The following EML1 variants were observed in gnomAD, a reference collection of about 807,000 sequenced individuals.
The protein encoded by EML1 is echinoderm microtubule-associated protein-like 1.
EML1 carries 27 observed loss-of-function variants against 110.4 expected under a neutral mutation model. That is an observed-to-expected ratio of 0.24 (90% CI 0.18 to 0.34). The LOEUF (loss-of-function observed/expected upper bound fraction) is 0.34, where lower values mean the gene tolerates loss of function less well. EML1 is among the 10% of genes least tolerant of loss of function. The pLI, the probability that EML1 is intolerant of heterozygous loss-of-function variation, is 1.00. For synonymous variants in EML1, 344 were observed against 385.8 expected, an observed-to-expected ratio of 0.89 and a Z score of 1.27; for missense variants, 741 against 1,030.9, an observed-to-expected ratio of 0.72 and a Z score of 3.85.
intron 9 of EML1, among the ~76,000 whole-genome samples, chr14:99,904,634 A>G (rs1595460395): frequency 6.6e-6 from 1 of 152,364 alleles, no homozygotes; most frequent in Non-Finnish European, 1.5e-5. Context: ...GACAGAAAAT[A>G]AAGGACTCAT....
intron 2 of EML1, among the ~76,000 whole-genome samples, chr14:99,863,459 G>T (rs540537786): frequency 3.3e-5 from 5 of 152,272 alleles, no homozygotes; most frequent in African/African-American, 7.2e-5. Flanking sequence ...CCCCATGATG[G>T]TATCTTACAG....
At chr14:99,881,191 A>AT (rs2059378980) in intron 4 of EML1, among the ~76,000 whole-genome samples, 1 of 152,204 alleles carries the variant, frequency 6.6e-6, no homozygotes, top group African/African-American at 2.4e-5. Context: ...GTTAGGGTGC[A>AT]TGTGAGTGAG....
At chr14:99,831,832 T>G (rs1359380254) in intron 1 of EML1, among the ~76,000 whole-genome samples, 1 of 151,788 alleles carries the variant, frequency 6.6e-6, no homozygotes, top group Non-Finnish European at 1.5e-5. Context: ...CTTTTCATTT[T>G]TTACTGAATG....
chr14:99,869,075 G>A (rs1307557610), intron 3 of EML1, among the ~76,000 whole-genome samples: 1 of 152,134 alleles, frequency 6.6e-6, no homozygotes, highest in African/African-American at 2.4e-5. Context: ...TTAAGAGTGA[G>A]TTGTTTAATT....
chr14:99,939,396 G>A lies in EML1; in HGVS notation c.2322+69G>A. ...TGCACGTACACCCGACCTGTTTGGA[G>A]ACTAAGTGGAAATGGGCTGTGAGCG... On this transcript the variant is annotated intron_variant, in intron 21 of 21. Transcript: ENST00000262233. This position sits in a 1 kb window ranked among gnomAD's most constrained non-coding sequence, Gnocchi z 4.2. 1 of 1,588,740 alleles carries A rather than the reference G, an allele frequency of 6.3e-7. No individual in the cohort carries two copies.
intron 1 of EML1, among the ~76,000 whole-genome samples, chr14:99,746,814 T>G (rs1301078152): frequency 6.6e-6 from 1 of 152,108 alleles, no homozygotes; most frequent in African/African-American, 2.4e-5. Context: ...TTGTCCTGTG[T>G]CCCCACCCCT....
rs1434116352 is a variant in EML1 at position 99,941,193 on chromosome 14, A to G, written c.*1081A>G. On this transcript the variant is annotated 3_prime_UTR_variant, in exon 22 of 22. Coordinates refer to ENST00000262233, the MANE Select transcript of EML1 (RefSeq NM_004434.3). ...AAACGGAGGTGGCAGAAATTTGTCA[A>G]GAAGGCCTTATCCATTTCGATTGTG... 1.3e-5 allele frequency: 2 copies of G among 152,222 alleles called. No homozygotes were observed. The highest frequency in any genetic ancestry group is 1.5e-5 in the Non-Finnish European group (1 of 68,040). 9.4% of individuals were successfully genotyped at this position (152,222 alleles called of 1,614,324 possible).
intron 1 of EML1, among the ~76,000 whole-genome samples, chr14:99,774,454 C>A (rs1405620994): frequency 6.6e-6 from 1 of 152,204 alleles, no homozygotes; most frequent in Non-Finnish European, 1.5e-5. Flanking sequence ...GTTGCCCTAT[C>A]CTCCATGCCT....
At chr14:99,748,774 C>T (rs2057142007) in intron 1 of EML1, among the ~76,000 whole-genome samples, 1 of 152,188 alleles carries the variant, frequency 6.6e-6, no homozygotes, top group Admixed American at 6.5e-5. Flanking sequence ...AGAACACTTC[C>T]GTCGTCCACG....
chr14:99,893,658 G>T (rs1004226188), intron 5 of EML1, among the ~76,000 whole-genome samples: 2 of 152,078 alleles, frequency 1.3e-5, no homozygotes, highest in Non-Finnish European at 2.9e-5. Flanking sequence ...ACTGTTCCTC[G>T]CCAATTTCCT....
chr14:99,921,543 A>G (rs910631853), intron 17 of EML1, among the ~76,000 whole-genome samples: 8 of 152,136 alleles, frequency 5.3e-5, no homozygotes, highest in African/African-American at 1.7e-4. Flanking sequence ...AACATAGACA[A>G]AATTAAACAG....
chr14:99,776,089 T>C lies in EML1; in HGVS notation c.-27+2076T>C, dbSNP rs183020318. Among the ~76,000 whole-genome samples the C allele has an allele frequency of 9.2e-5, 14 of 152,330 alleles. No homozygotes were observed. The East Asian group carries it at 1.2e-3, about 13-fold the overall frequency. ...ATGTCCTACAAGCAAAAATGAAATC[T>C]TAGCAGGTAACACAGCCATTCCTAG... On this transcript the variant is annotated intron_variant, in intron 1 of 22. Coordinates refer to the EML1 transcript ENST00000327921.
intron 1 of EML1, among the ~76,000 whole-genome samples, chr14:99,837,259 T>C (rs746938014): frequency 4.6e-5 from 7 of 152,174 alleles, no homozygotes; most frequent in Admixed American, 1.3e-4. Context: ...CTGTCTCACA[T>C]CCTGGAAACT....
chr14:99,934,231 A>T (rs1336265911), intron 17 of EML1, among the ~76,000 whole-genome samples: 2 of 152,198 alleles, frequency 1.3e-5, no homozygotes, highest in Non-Finnish European at 2.9e-5. Context: ...TTGAGTGCAG[A>T]GACGGTTGGT....
intron 1 of EML1, among the ~76,000 whole-genome samples, chr14:99,801,586 G>T (rs1264253360): frequency 2.6e-5 from 4 of 151,472 alleles, no homozygotes; most frequent in African/African-American, 9.7e-5. Flanking sequence ...CTGCACTCCA[G>T]CCTGGGCCAC....
At chr14:99,749,475 G>T (rs2057151910) in intron 1 of EML1, among the ~76,000 whole-genome samples, 1 of 152,194 alleles carries the variant, frequency 6.6e-6, no homozygotes, top group Middle Eastern at 3.2e-3. Flanking sequence ...TTAAGTCTCG[G>T]TTTTCATATC....
intron 1 of EML1, among the ~76,000 whole-genome samples, chr14:99,745,256 A>G (rs1238292525): frequency 1.3e-5 from 2 of 152,114 alleles, no homozygotes; most frequent in Admixed American, 6.6e-5. Context: ...GGTAGAGACG[A>G]GGTTTCACCA....
intron 1 of EML1, among the ~76,000 whole-genome samples, chr14:99,835,819 T>G (rs1366246836): frequency 6.6e-6 from 1 of 152,232 alleles, no homozygotes; most frequent in Non-Finnish European, 1.5e-5. Context: ...TTTAATTGCC[T>G]TTGCTCCTTT....
chr14:99,896,317 T>G (rs945235903), intron 6 of EML1, among the ~76,000 whole-genome samples: 2 of 152,030 alleles, frequency 1.3e-5, no homozygotes, highest in African/African-American at 2.4e-5. Flanking sequence ...CTTAGAAATT[T>G]TTTAAAATTA....
Sources: gnomAD v4.1 joint callset for allele counts (sites outside exome capture counted in the v4.1 genomes callset) on GRCh38, gnomAD v4.1.1 for gene constraint, Gnocchi (gnomAD v3.1) non-coding constraint, MANE v1.5 for transcripts, NCBI Gene and HGNC (gene_info 2026-07-23, HGNC 2026-07-21) for gene names.